Variants in XKR6 observed in about 807,000 individuals in gnomAD.
XKR6 encodes XK related 6, also known as XK-related protein 6.
XKR6 carries 22 observed loss-of-function variants against 56.7 expected under a neutral mutation model. The observed-to-expected ratio is 0.39, with a 90% CI of 0.28 to 0.55. XKR6 has a LOEUF of 0.55. XKR6 is among the 20% of genes least tolerant of loss of function. The pLI, the probability that XKR6 is intolerant of heterozygous loss-of-function variation, is 0.66. For missense variants in XKR6, 852 were observed against 889.0 expected (o/e 0.96, Z 0.53); for synonymous variants, 524 against 387.8 (o/e 1.35, Z -4.13).
chr8:11,046,868 A>G (rs1799423290), intron 1 of XKR6, among the ~76,000 whole-genome samples: 1 of 152,208 alleles, frequency 6.6e-6, no homozygotes, highest in Non-Finnish European at 1.5e-5. Context: ...CCTGGAGGAC[A>G]TTATGCTAAG....
intron 1 of XKR6, among the ~76,000 whole-genome samples, chr8:11,054,739 T>C (rs556965855): frequency 1.3e-5 from 2 of 152,124 alleles, no homozygotes; most frequent in African/African-American, 4.8e-5. Context: ...GAAGTGTGGG[T>C]GGACGGGGTG....
At chr8:11,160,203 A>AAAAAAAAGT (rs1554475122) in intron 1 of XKR6, among the ~76,000 whole-genome samples, 3 of 152,084 alleles carry the variant, frequency 2.0e-5, no homozygotes, top group Non-Finnish European at 4.4e-5. Context: ...TCAGAAACAA[A>AAAAAAAAGT]AAAAAAGTAA....
At chr8:10,954,864 C>CCCTTTTTTTTTTTTTTT (rs1801829790) in intron 1 of XKR6, among the ~76,000 whole-genome samples, 1 of 60,008 alleles carries the variant, frequency 1.7e-5, no homozygotes, top group Non-Finnish European at 3.2e-5. Context: ...TAACTTCATT[C>CCCTTTTTTTTTTTTTTT]TCTTTTTTTT....
At chr8:11,118,495 T>G (rs550915226) in intron 1 of XKR6, among the ~76,000 whole-genome samples, 2 of 152,246 alleles carry the variant, frequency 1.3e-5, no homozygotes, top group Non-Finnish European at 2.9e-5. Flanking sequence ...AGCCTGTTAT[T>G]GGTCTATTCA....
At chr8:11,121,470 T>C (rs997845863) in intron 1 of XKR6, among the ~76,000 whole-genome samples, 5 of 152,098 alleles carry the variant, frequency 3.3e-5, no homozygotes, top group African/African-American at 1.2e-4. Context: ...AAATGCAAAT[T>C]AAAACCACAA....
chr8:11,169,865 T>C (rs1802277550), intron 1 of XKR6, among the ~76,000 whole-genome samples: 1 of 152,206 alleles, frequency 6.6e-6, no homozygotes, highest in African/African-American at 2.4e-5. Flanking sequence ...AATAAAAATT[T>C]AAATGATTAA....
intron 1 of XKR6, among the ~76,000 whole-genome samples, chr8:11,012,491 G>A (rs887408322): frequency 6.6e-5 from 10 of 152,288 alleles, no homozygotes; most frequent in South Asian, 4.1e-4. Context: ...TGTTACGGCT[G>A]CTATTATCAT....
At chr8:11,078,034 C>G (rs1800320911) in intron 1 of XKR6, among the ~76,000 whole-genome samples, 3 of 152,290 alleles carry the variant, frequency 2.0e-5, no homozygotes, top group East Asian at 3.9e-4. Flanking sequence ...GACCTTGAGC[C>G]TGACCCCAAA....
At chr8:11,179,622 G>T (rs926596952) in intron 1 of XKR6, among the ~76,000 whole-genome samples, 2 of 152,138 alleles carry the variant, frequency 1.3e-5, no homozygotes, top group East Asian at 1.9e-4. Context: ...TTCATCAGGG[G>T]ACTCCTCCAC....
At chr8:10,913,944 G>A (rs952081765) in intron 2 of XKR6, among the ~76,000 whole-genome samples, 4 of 152,202 alleles carry the variant, frequency 2.6e-5, no homozygotes, top group African/African-American at 7.2e-5. Flanking sequence ...GAAGCCAGCA[G>A]CAGGGCTTGG....
intron 2 of XKR6, among the ~76,000 whole-genome samples, chr8:10,915,918 A>G (rs1340810429): frequency 6.6e-6 from 1 of 152,256 alleles, no homozygotes; most frequent in Non-Finnish European, 1.5e-5. Flanking sequence ...AACGGGGTCA[A>G]GAGGGAGTTG....
intron 1 of XKR6, among the ~76,000 whole-genome samples, chr8:10,988,347 A>G (rs1276834559): frequency 6.6e-6 from 1 of 152,164 alleles, no homozygotes; most frequent in Non-Finnish European, 1.5e-5. Flanking sequence ...AGGTGAATTA[A>G]CTCAGTCGCT....
intron 1 of XKR6, among the ~76,000 whole-genome samples, chr8:11,022,640 A>T (rs990750622): frequency 6.6e-6 from 1 of 152,122 alleles, no homozygotes; most frequent in African/African-American, 2.4e-5. Flanking sequence ...CATCCCTACG[A>T]CCCACAGAAG....
chr8:10,930,344 T>C (rs532374464), intron 1 of XKR6, among the ~76,000 whole-genome samples: 31 of 152,250 alleles, frequency 2.0e-4, no homozygotes, highest in African/African-American at 7.5e-4. Flanking sequence ...GAACCCTTCT[T>C]TAAGGAAAAT....
At chr8:10,970,484 C>A (rs1390604548) in intron 1 of XKR6, among the ~76,000 whole-genome samples, 7 of 152,186 alleles carry the variant, frequency 4.6e-5, no homozygotes, top group Non-Finnish European at 1.0e-4. Context: ...AATAACACAA[C>A]AAGCACTCCT....
rs993892173 is a variant in XKR6, at chr8:11,034,404, C to T, written c.765-109574G>A. Among the ~76,000 whole-genome samples, 6 of 152,174 alleles carry T rather than the reference C, an allele frequency of 3.9e-5. No individual in the cohort carries two copies. The East Asian group carries it at 5.8e-4, about 15-fold the overall frequency. On this transcript the variant is annotated intron_variant, in intron 1 of 2. Transcript: ENST00000416569. ...AAGGTACAAGGCAAAATGTCCAGGA[C>T]ATTTATGGGGAAGGGGAAGAAGCTG...
chr8:11,201,330 TCGC>T lies in XKR6; in HGVS notation c.7_9del (p.Ala3del). On this transcript the variant is annotated inframe_deletion, in exon 1 of 3. Coordinates refer to ENST00000416569, the MANE Select transcript of XKR6 (RefSeq NM_173683.4). ...ACCCCCACGCCACCGCCATCGGATTTCGCCGCCATCTTGACTCTCTTCCCAGCT... is the reference window on the plus strand; with the variant it reads ...ACCCCCACGCCACCGCCATCGGATTTCGCCATCTTGACTCTCTTCCCAGCT... 1 of 1,405,358 alleles carries T rather than the reference TCGC, an allele frequency of 7.1e-7. No homozygotes were observed. Among genetic ancestry groups the T allele is most frequent in the East Asian group, 4.7e-5 (1 of 21,416 alleles). 87.1% of individuals were successfully genotyped at this position (1,405,358 alleles called of 1,614,324 possible).
intron 1 of XKR6, among the ~76,000 whole-genome samples, chr8:10,999,294 T>G (rs535969758): frequency 1.0e-4 from 16 of 152,382 alleles, no homozygotes; most frequent in African/African-American, 3.8e-4. Context: ...ATGAAAATAC[T>G]GCACAGGCAT....
chr8:11,175,614 A>G (rs991965501), intron 1 of XKR6: 1 of 152,246 alleles, frequency 6.6e-6, no homozygotes, highest in African/African-American at 2.4e-5. Context: ...TAAGAAAAAT[A>G]AAGAATCTGT....
Sources: gnomAD v4.1 joint callset for allele counts (sites outside exome capture counted in the v4.1 genomes callset) on GRCh38, gnomAD v4.1.1 for gene constraint, MANE v1.5 for transcripts, NCBI Gene and HGNC (gene_info 2026-07-23, HGNC 2026-07-21) for gene names.